Variants in NADSYN1 observed in about 807,000 individuals in gnomAD.
The protein encoded by NADSYN1 is glutamine-dependent NAD(+) synthetase.
Under a neutral mutation model 99.3 loss-of-function variants are expected in NADSYN1, and 80 were observed. That is an observed-to-expected ratio of 0.81 (90% CI 0.67 to 0.97). NADSYN1 has a LOEUF of 0.97. Ranked by LOEUF, NADSYN1 falls within the 50% of genes least tolerant of loss-of-function variation. NADSYN1 has a pLI of 0.00. For synonymous variants in NADSYN1, 385 were observed against 372.1 expected (o/e 1.03, Z -0.40); for missense variants, 859 against 948.5 (o/e 0.91, Z 1.24).
At position 71,480,932 on chromosome 11, in the gene NADSYN1, C is replaced by G. The variant is rs1949702793; in HGVS notation, c.998+53C>G. The stretch of plus-strand genomic sequence containing the variant: ...ACCTGGCGTCTGTGTGGCCACGCCC[C>G]TGGGGTGGGGACTCCTGGAGGTCAC... On this transcript the variant is annotated intron_variant, in intron 11 of 20. Transcript: ENST00000319023. 2.5e-6 allele frequency: 4 copies of G among 1,601,776 alleles called. No individual in the cohort carries two copies. The African/African-American group carries it at 4.0e-5, about 16-fold the overall frequency.
At chr11:71,464,711 CA>C (rs1400926220) in intron 5 of NADSYN1, among the ~76,000 whole-genome samples, 5 of 151,590 alleles carry the variant, frequency 3.3e-5, no homozygotes, top group Non-Finnish European at 7.4e-5. Context: ...ACTAAAAATA[CA>C]AAAAATTAGC....
At chr11:71,458,707 G>A (rs12286997) in intron 3 of NADSYN1, 163 bp downstream of exon 3, 10,058 of 589,118 alleles carry the variant, frequency 0.017, 789 homozygotes, top group African/African-American at 0.17. Flanking sequence ...TCTCAGCCCC[G>A]TAAGCCACCT....
intron 17 of NADSYN1, among the ~76,000 whole-genome samples, chr11:71,491,452 C>T (rs1042015354): frequency 1.5e-4 from 22 of 142,342 alleles, no homozygotes; most frequent in Admixed American, 1.4e-3. Context: ...TTAGCTTCGC[C>T]ACACGGGGTG....
At chr11:71,479,478 A>T (rs1327034895) in intron 10 of NADSYN1, 2 of 151,906 alleles carry the variant, frequency 1.3e-5, no homozygotes, top group African/African-American at 2.4e-5. Context: ...GTGGTTTTTC[A>T]TGTACTCATG....
At chr11:71,466,719 TC>T (rs1949593703) in intron 5 of NADSYN1, 1 of 152,292 alleles carries the variant, frequency 6.6e-6, no homozygotes, top group Non-Finnish European at 1.5e-5. Flanking sequence ...CATTTCTGAC[TC>T]CAGGGCAGTT....
chr11:71,500,253 C>A (rs1949848651), intron 20 of NADSYN1, among the ~76,000 whole-genome samples: 1 of 152,176 alleles, frequency 6.6e-6, no homozygotes, highest in Admixed American at 6.5e-5. Flanking sequence ...ATGAGGAAAA[C>A]CCGCCTGTGC....
intron 5 of NADSYN1, among the ~76,000 whole-genome samples, chr11:71,467,990 C>T (rs1442033311): frequency 6.6e-6 from 1 of 152,152 alleles, no homozygotes; most frequent in Non-Finnish European, 1.5e-5. Context: ...GACAAATTGC[C>T]CGCAGAGATT....
In NADSYN1 at chr11:71,481,411, C is replaced by A. The variant is rs763727362; in HGVS notation, c.1047+7C>A. 1.2e-6 allele frequency: 2 copies of A among 1,613,618 alleles called. No homozygotes were observed. Among genetic ancestry groups the A allele is most frequent in the South Asian group, 2.2e-5 (2 of 91,058 alleles). On this transcript the variant is annotated splice_region_variant and intron_variant, in intron 12 of 20. Transcript: ENST00000319023. ...TTTAAGACGAAGTCAACAGGTAAGA[C>A]TTCCAGTTTCTAGTGAGCCCACTTT...
intron 20 of NADSYN1, among the ~76,000 whole-genome samples, chr11:71,500,254 C>T (rs1453941125): frequency 6.6e-6 from 1 of 152,180 alleles, no homozygotes; most frequent in African/African-American, 2.4e-5. Context: ...TGAGGAAAAC[C>T]CGCCTGTGCT....
chr11:71,488,292 G>A (rs200972135), intron 16 of NADSYN1, among the ~76,000 whole-genome samples: 13 of 151,492 alleles, frequency 8.6e-5, no homozygotes, highest in East Asian at 3.9e-4. Flanking sequence ...GGAAACGTCC[G>A]CCGAGAGAGC....
chr11:71,470,142 G>A lies in NADSYN1; in HGVS notation c.408-2307G>A, dbSNP rs1591125690. 3.3e-5 allele frequency among the ~76,000 whole-genome samples: 5 copies of A among 152,216 alleles called. No homozygotes were observed. In the East Asian group the frequency reaches 9.6e-4, roughly 29 times the overall value. The stretch of plus-strand genomic sequence containing the variant: ...AGCCAAGCAAAAAGGGAAACCCATT[G>A]TAAAAGCATCAAATCTCCTAAGGCT... On this transcript the variant is annotated intron_variant, in intron 5 of 20. Coordinates refer to ENST00000319023, the MANE Select transcript of NADSYN1 (RefSeq NM_018161.5).
chr11:71,498,238 C>T (rs896587435), intron 19 of NADSYN1, 114 bp from the exon 20 acceptor site: 3 of 1,218,792 alleles, frequency 2.5e-6, no homozygotes, highest in Admixed American at 2.2e-5. Flanking sequence ...CGTGGAAGGT[C>T]CTGTGCGGGG....
chr11:71,484,063 C>A (rs1205677217), intron 14 of NADSYN1, among the ~76,000 whole-genome samples: 1 of 152,182 alleles, frequency 6.6e-6, no homozygotes, highest in East Asian at 1.9e-4. Flanking sequence ...TCAGAGCTGT[C>A]AGAGCTGGAG....
intron 15 of NADSYN1, 29 bp from the exon 16 acceptor site, chr11:71,485,513 C>T (rs1949736197): frequency 2.0e-6 from 3 of 1,510,466 alleles, no homozygotes; most frequent in Non-Finnish European, 2.7e-6. Flanking sequence ...TGCAAGGGAA[C>T]CCGTTATTTC....
At chr11:71,474,668 T>A in intron 9 of NADSYN1, 142 bp downstream of exon 9, 1 of 1,115,898 alleles carries the variant, frequency 9.0e-7, no homozygotes, top group Admixed American at 1.8e-5. Flanking sequence ...GGCTCTCCCC[T>A]GTAAGCCGGG....
chr11:71,496,989 C>T, intron 18 of NADSYN1: 1 of 164,202 alleles, frequency 6.1e-6, no homozygotes, highest in Non-Finnish European at 1.3e-5. Flanking sequence ...GATCCTCCCA[C>T]CTGAGCACCC....
chr11:71,466,761 C>T (rs756574060), intron 5 of NADSYN1: 1 of 152,208 alleles, frequency 6.6e-6, no homozygotes, highest in Non-Finnish European at 1.5e-5. Context: ...ATAACTGAAG[C>T]CATTAGTATG....
chr11:71,487,003 T>A (rs1949747542), intron 16 of NADSYN1, among the ~76,000 whole-genome samples: 1 of 152,078 alleles, frequency 6.6e-6, no homozygotes, highest in Non-Finnish European at 1.5e-5. Context: ...AGACGGTGTT[T>A]CACCGTGTTA....
chr11:71,486,868 C>T (rs956642232), intron 16 of NADSYN1, among the ~76,000 whole-genome samples: 2 of 126,878 alleles, frequency 1.6e-5, no homozygotes, highest in South Asian at 2.6e-4. Context: ...TGCAGTGGCG[C>T]GATCTCGGCT....
Sources: allele counts gnomAD v4.1 joint callset (sites outside exome capture counted in the v4.1 genomes callset), GRCh38; gene constraint gnomAD v4.1.1; transcripts MANE v1.5; gene names NCBI Gene and HGNC (gene_info 2026-07-23, HGNC 2026-07-21).